The following FRY variants were observed in gnomAD, a reference collection of about 807,000 sequenced individuals.
FRY encodes the protein FRY microtubule binding protein.
FRY carries 128 observed loss-of-function variants against 348.4 expected under a neutral mutation model. That is an observed-to-expected ratio of 0.37 (90% confidence interval 0.32 to 0.43). FRY has a LOEUF of 0.43. FRY is among the 20% of genes least tolerant of loss of function. The pLI is 1.00. For missense variants in FRY, 2,736 were observed against 3,695.2 expected (o/e 0.74, Z 6.73); for synonymous variants, 1,370 against 1,374.7 (o/e 1.00, Z 0.08).
chr13:32,259,626 G>A (rs928626297), intron 51 of FRY, among the ~76,000 whole-genome samples: 1 of 152,208 alleles, frequency 6.6e-6, no homozygotes, highest in Non-Finnish European at 1.5e-5. Flanking sequence ...GCACAAGAGA[G>A]TCAGTTTTTT....
intron 2 of FRY, among the ~76,000 whole-genome samples, chr13:32,087,575 A>G (rs204566): frequency 0.49 from 75,134 of 152,102 alleles, 20,214 homozygotes; most frequent in Non-Finnish European, 0.59. Flanking sequence ...ATACATACTC[A>G]TCCCAGCTTC....
intron 1 of FRY, among the ~76,000 whole-genome samples, chr13:32,049,818 C>T (rs1264277242): frequency 2.6e-5 from 4 of 152,100 alleles, no homozygotes. Context: ...TCCCTGGGTC[C>T]AGCCTGTGTT....
At chr13:32,225,688 T>C in intron 38 of FRY, 101 bp from the exon 39 acceptor site, 1 of 958,986 alleles carries the variant, frequency 1.0e-6, no homozygotes, top group Non-Finnish European at 1.7e-6. Flanking sequence ...CTAAACATTC[T>C]TTTAACATGT....
chr13:32,197,013 A>G (rs534316246), intron 29 of FRY, among the ~76,000 whole-genome samples: 1 of 152,338 alleles, frequency 6.6e-6, no homozygotes, highest in Admixed American at 6.5e-5. Flanking sequence ...TATTAAGAAT[A>G]TAGGCCATTT....
At chr13:32,187,077 T>C (rs1172559222) in intron 27 of FRY, among the ~76,000 whole-genome samples, 4 of 152,190 alleles carry the variant, frequency 2.6e-5, no homozygotes, top group African/African-American at 9.6e-5. Context: ...TTATTTACCT[T>C]TGATTAAGGA....
chr13:32,298,626 G>A lies in FRY; in HGVS notation c.*3166G>A, dbSNP rs1236120102. On this transcript the variant is annotated 3_prime_UTR_variant, in exon 61 of 61. Transcript: ENST00000542859. ...CCATGAAGAACAAAACGGATACAGT[G>A]AGTAATGTGGACAGGGCTATCTTAG... 1 of 152,228 alleles carries A rather than the reference G, an allele frequency of 6.6e-6. No homozygotes were observed. 9.4% of individuals were successfully genotyped at this position (152,228 alleles called of 1,614,324 possible).
intron 1 of FRY, among the ~76,000 whole-genome samples, chr13:32,074,116 G>A (rs1044683873): frequency 1.2e-4 from 19 of 152,110 alleles, no homozygotes; most frequent in African/African-American, 3.9e-4. Flanking sequence ...TTTAATAAAC[G>A]GAAAATGAAT....
intron 29 of FRY, among the ~76,000 whole-genome samples, chr13:32,197,747 T>G (rs1421231997): frequency 6.6e-6 from 1 of 152,220 alleles, no homozygotes; most frequent in Non-Finnish European, 1.5e-5. Context: ...ATCTTTCTCT[T>G]CAGAATACCT....
At chr13:32,167,343 G>C (rs1881797725) in intron 17 of FRY, among the ~76,000 whole-genome samples, 1 of 152,200 alleles carries the variant, frequency 6.6e-6, no homozygotes, top group Admixed American at 6.5e-5. Context: ...AAGACTATGA[G>C]AGAGAATCTG....
In FRY at chr13:32,237,689, C is replaced by G. The variant is rs1482581334; in HGVS notation, c.6121C>G (p.Leu2041Val). The change falls in exon 44 of 61, where the codon CTG becomes GTG. Residue 2041 changes from leucine (L) to valine (V), a missense_variant. Coordinates refer to ENST00000542859, the MANE Select transcript of FRY (RefSeq NM_023037.3). This position sits in a 1 kb window ranked among gnomAD's most constrained non-coding sequence, Gnocchi z 6.3. Reference sequence around the variant, plus strand: ...CCACATAAACCATCCCACCAACCTGCTGGCCACCATATTCTGGGTCACAGT... The same window carrying G: ...CCACATAAACCATCCCACCAACCTGGTGGCCACCATATTCTGGGTCACAGT... Reference protein sequence around the residue: ...PSHINHPTNLLATIFWVTVAL... With the variant: ...PSHINHPTNLVATIFWVTVAL... The G allele has an allele frequency of 1.2e-6, 2 of 1,614,030 alleles. No homozygotes were observed. The highest frequency in any genetic ancestry group is 1.7e-6 in the Non-Finnish European group (2 of 1,179,988).
At chr13:32,145,285 C>T (rs1009522894) in intron 11 of FRY, among the ~76,000 whole-genome samples, 1 of 152,090 alleles carries the variant, frequency 6.6e-6, no homozygotes, top group African/African-American at 2.4e-5. Context: ...AGATAGACAT[C>T]GGGGCAGGGA....
chr13:32,123,920 C>T lies in FRY; in HGVS notation c.465-366C>T, dbSNP rs550476704. On this transcript the variant is annotated intron_variant, in intron 4 of 60. Transcript: ENST00000542859. ...ATCTCAGCTTACTGCAACCTCCGTC[C>T]GCCTCCCGGGTTCAGACGATTCTCC... Among the ~76,000 whole-genome samples, 7 of 152,242 alleles carry T rather than the reference C, an allele frequency of 4.6e-5. No homozygotes were observed. The South Asian group carries it at 8.3e-4, about 18-fold the overall frequency.
At chr13:32,241,291 G>A (rs1053323354) in intron 46 of FRY, among the ~76,000 whole-genome samples, 2 of 152,200 alleles carry the variant, frequency 1.3e-5, no homozygotes, top group African/African-American at 4.8e-5. Flanking sequence ...AATGCAAATT[G>A]TACGTAGCAT....
chr13:32,211,797 G>A lies in FRY; in HGVS notation c.4592-495G>A, dbSNP rs544401671. ...GCCTCCCTTCTGCTGACCTCATGCA[G>A]TAACTGCCTTCCAATTCCTCTCCTC... On this transcript the variant is annotated intron_variant, in intron 34 of 60. Coordinates refer to ENST00000542859, the MANE Select transcript of FRY (RefSeq NM_023037.3). Among the ~76,000 whole-genome samples, 20 of 152,270 alleles carry A rather than the reference G, an allele frequency of 1.3e-4. No individual in the cohort carries two copies. The South Asian group carries it at 3.9e-3, about 30-fold the overall frequency.
chr13:32,145,543 T>TG (rs1566095608), intron 11 of FRY, among the ~76,000 whole-genome samples: 2 of 140,376 alleles, frequency 1.4e-5, no homozygotes, highest in African/African-American at 2.8e-5. Context: ...TTTTTTTTTT[T>TG]TTTTTTTTTT....
intron 55 of FRY, among the ~76,000 whole-genome samples, chr13:32,268,875 A>G (rs1249768191): frequency 3.9e-5 from 6 of 152,178 alleles, no homozygotes; most frequent in Admixed American, 2.0e-4. Flanking sequence ...TTCTTTCAGC[A>G]TTTTCTTAAG....
At chr13:32,124,905 A>T in intron 7 of FRY, 30 bp downstream of exon 7, 1 of 1,488,172 alleles carries the variant, frequency 6.7e-7, no homozygotes, top group Non-Finnish European at 9.4e-7. Context: ...CTTTACCATG[A>T]GAACGTGCGT....
intron 1 of FRY, among the ~76,000 whole-genome samples, chr13:32,042,912 A>T (rs1048002688): frequency 5.3e-5 from 8 of 152,252 alleles, no homozygotes; most frequent in African/African-American, 1.9e-4. Context: ...CAAAACAGAG[A>T]TTCTTGTACC....
intron 17 of FRY, among the ~76,000 whole-genome samples, chr13:32,169,713 G>A (rs957879497): frequency 5.9e-5 from 9 of 152,060 alleles, no homozygotes; most frequent in Non-Finnish European, 8.8e-5. Flanking sequence ...CAGCCACACC[G>A]AACTCCATAT....
Sources: gnomAD v4.1 joint callset for allele counts (sites outside exome capture counted in the v4.1 genomes callset) on GRCh38, gnomAD v4.1.1 for gene constraint, Gnocchi (gnomAD v3.1) non-coding constraint, MANE v1.5 for transcripts, NCBI Gene and HGNC (gene_info 2026-07-23, HGNC 2026-07-21) for gene names.